The following CEP41 variants were observed in gnomAD, a reference collection of about 807,000 sequenced individuals.
The protein encoded by CEP41 is centrosomal protein of 41 kDa.
In CEP41, 32 loss-of-function variants were observed where a neutral mutation model predicts 44.3. The observed-to-expected ratio is 0.72, with a 90% CI of 0.54 to 0.97. The LOEUF (loss-of-function observed/expected upper bound fraction) is 0.97. Among genes scored for constraint, CEP41 ranks in the 50% least tolerant of loss-of-function variants. The pLI is 0.00. For missense variants in CEP41, 432 were observed against 455.2 expected (o/e 0.95, Z 0.46); for synonymous variants, 151 against 168.5 (o/e 0.90, Z 0.80).
chr7:130,399,247 A>C, intron 10 of CEP41: 2 of 617,488 alleles, frequency 3.2e-6, no homozygotes, highest in Non-Finnish European at 5.7e-6. Context: ...AATGAAGGGA[A>C]ACCCAGATAG....
chr7:130,401,750 A>G (rs1360964704), intron 8 of CEP41, 131 bp downstream of exon 8: 4 of 660,840 alleles, frequency 6.1e-6, no homozygotes, highest in Admixed American at 2.2e-5. Context: ...AGGAATCCAA[A>G]TTCTAAAATA....
At chr7:130,400,279 A>C in intron 9 of CEP41, 25 bp from the exon 10 acceptor site, 1 of 1,564,772 alleles carries the variant, frequency 6.4e-7, no homozygotes, top group Non-Finnish European at 8.8e-7. Flanking sequence ...TCATCAGAAA[A>C]AGCTGCATTA....
chr7:130,394,521 G>A lies in CEP41; in HGVS notation c.*4370C>T. On this transcript the variant is annotated 3_prime_UTR_variant, in exon 11 of 11. Transcript: ENST00000223208. ...TGACCTTTGCGTGCTGAATTTGGGA[G>A]GATACTTTAAGCCTGGCAGAGACAG... The A allele has an allele frequency of 4.4e-6, 2 of 454,042 alleles. No homozygotes were observed. Among genetic ancestry groups the A allele is most frequent in the South Asian group, 1.6e-5 (1 of 64,472 alleles). 28.1% of individuals were successfully genotyped at this position (454,042 alleles called of 1,614,324 possible).
At chr7:130,417,283 C>T in intron 2 of CEP41, 4 of 1,156,394 alleles carry the variant, frequency 3.5e-6, no homozygotes, top group South Asian at 2.1e-5. Context: ...TTTCCTCCTC[C>T]TTTTATCTCC....
At chr7:130,431,806 C>T (rs1429222222) in intron 1 of CEP41, among the ~76,000 whole-genome samples, 2 of 152,102 alleles carry the variant, frequency 1.3e-5, no homozygotes, top group Admixed American at 6.6e-5. Context: ...GGAGAGGCAG[C>T]AGGGGCAGAT....
At chr7:130,412,033 T>C in intron 4 of CEP41, 146 bp downstream of exon 4, 2 of 726,250 alleles carry the variant, frequency 2.8e-6, no homozygotes, top group Non-Finnish European at 5.1e-6. Flanking sequence ...ACACACCACA[T>C]ACCAATTAAT....
At chr7:130,426,634 A>C (rs782525100) in intron 2 of CEP41, 2 of 456,150 alleles carry the variant, frequency 4.4e-6, no homozygotes, top group South Asian at 3.1e-5. Flanking sequence ...CTTACCTCAC[A>C]GAATCACTTA....
chr7:130,396,537 G>C lies in CEP41; in HGVS notation c.*2354C>G, dbSNP rs1554414606. ...CATATTAATAGCAAACGACAAATTA[G>C]TAACTATGTACTTTAATCTTCAACA... On this transcript the variant is annotated 3_prime_UTR_variant, in exon 11 of 11. Transcript: ENST00000223208. 4 of 454,560 alleles carry C rather than the reference G, an allele frequency of 8.8e-6. No individual in the cohort carries two copies. The highest frequency in any genetic ancestry group is 6.2e-5 in the South Asian group (4 of 64,482). 28.2% of individuals were successfully genotyped at this position (454,560 alleles called of 1,614,324 possible).
intron 5 of CEP41, among the ~76,000 whole-genome samples, chr7:130,408,787 T>C (rs2117593113): frequency 6.6e-6 from 1 of 152,212 alleles, no homozygotes; most frequent in East Asian, 1.9e-4. Flanking sequence ...CAGCATTATT[T>C]TATAAAGGTG....
intron 2 of CEP41, among the ~76,000 whole-genome samples, chr7:130,424,085 A>T (rs782487445): frequency 6.6e-6 from 1 of 152,220 alleles, no homozygotes; most frequent in Non-Finnish European, 1.5e-5. Flanking sequence ...GAATTAAAAT[A>T]GCTAAAATAA....
upstream of CEP41, chr7:130,441,024 G>A (rs1798143462): frequency 1.3e-6 from 2 of 1,576,246 alleles, no homozygotes; most frequent in South Asian, 1.1e-5. Context: ...TCTAACCCTA[G>A]CTTCCTACCC....
Position 130,394,864 on chromosome 7 carries a change from T to C in CEP41, c.*4027A>G, listed in dbSNP as rs1796614713. 2.2e-6 allele frequency: 1 copy of C among 454,144 alleles called. No homozygotes were observed. Among genetic ancestry groups the C allele is most frequent in the South Asian group, 1.6e-5 (1 of 64,474 alleles). The allele number at this position is 454,144 out of a possible 1,614,324, so 28.1% of individuals were successfully genotyped here. A position where few individuals can be genotyped will look rare whatever the true frequency, so the allele number is the denominator to read the frequency against. ...CAACAGGAAGACATATTGATATCCT[T>C]TAAAAGATGCAGCCCATCCGTCCAC... On this transcript the variant is annotated 3_prime_UTR_variant, in exon 11 of 11. Coordinates refer to ENST00000223208, the MANE Select transcript of CEP41 (RefSeq NM_018718.3).
Position 130,410,896 on chromosome 7 carries a change from A to C in CEP41, c.277+226T>G, listed in dbSNP as rs141804954. 418 of 602,302 alleles carry C rather than the reference A, an allele frequency of 6.9e-4. 2 individuals are homozygous for C. In the African/African-American group the frequency reaches 7.0e-3, roughly 10 times the overall value. The allele number at this position is 602,302 out of a possible 1,614,324, so 37.3% of individuals were successfully genotyped here. A position where few individuals can be genotyped will look rare whatever the true frequency, so the allele number is the denominator to read the frequency against. On this transcript the variant is annotated intron_variant, in intron 5 of 10. Coordinates refer to ENST00000223208, the MANE Select transcript of CEP41 (RefSeq NM_018718.3). ...AGTAATTAGTATATTAAACACATCT[A>C]AAACATTTAAAACTGTAAGTGTTAG...
rs782460743 is a variant in CEP41 at position 130,400,226 on chromosome 7, C to T, written c.786G>A (p.Pro262=). Residue 262 remains proline (P), a synonymous_variant, in exon 10 of 11, where the codon CCG becomes CCA. Coordinates refer to ENST00000223208, the MANE Select transcript of CEP41 (RefSeq NM_018718.3). ...GGLKVLAQKF[P]EGLITGSLPA... ...GCAGGGAACCAGTAATCAGTCCTTC[C>T]GGGAATTTCTGAGCTAAGACTTTTA... 5.5e-5 allele frequency: 89 copies of T among 1,613,654 alleles called. No individual in the cohort carries two copies. The highest frequency in any genetic ancestry group is 6.5e-5 in the Non-Finnish European group (77 of 1,179,816).
At chr7:130,430,501 G>A (rs1797792454) in intron 1 of CEP41, among the ~76,000 whole-genome samples, 1 of 152,182 alleles carries the variant, frequency 6.6e-6, no homozygotes, top group Non-Finnish European at 1.5e-5. Context: ...CTATGAGAAA[G>A]TAACTATAAT....
At chr7:130,421,992 A>G in intron 2 of CEP41, 1 of 1,536,050 alleles carries the variant, frequency 6.5e-7, no homozygotes, top group Non-Finnish European at 8.7e-7. Flanking sequence ...GGAGCTGGTA[A>G]GATACACACA....
intron 1 of CEP41, among the ~76,000 whole-genome samples, chr7:130,437,902 A>T (rs942586365): frequency 6.6e-6 from 1 of 152,114 alleles, no homozygotes; most frequent in Non-Finnish European, 1.5e-5. Context: ...CATGCCTAAC[A>T]TTTTAGACAT....
Position 130,404,612 on chromosome 7 carries a change from A to G in CEP41, c.374T>C (p.Phe125Ser). The change falls in exon 6 of 11, where the codon TTC becomes TCC. Residue 125 changes from phenylalanine to serine, a missense_variant. By Grantham distance (155) the Phe-to-Ser change is radical (BLOSUM62 -2). Coordinates refer to ENST00000223208, the MANE Select transcript of CEP41 (RefSeq NM_018718.3). ...PGEQSPSPEQFINNAGAGDSS... is the reference protein window; with the variant it reads ...PGEQSPSPEQSINNAGAGDSS... ...GTCCCCTGCTCCTGCGTTGTTTATG[A>G]ACTGCTCAGGGCTCGGCGACTGCTC... 1 of 1,613,940 alleles carries G rather than the reference A, an allele frequency of 6.2e-7. No homozygotes were observed. Among genetic ancestry groups the G allele is most frequent in the South Asian group, 1.1e-5 (1 of 91,082 alleles).
At chr7:130,410,029 C>CTTTTTTTTTTTTTCTT (rs1562983289) in intron 5 of CEP41, among the ~76,000 whole-genome samples, 1 of 139,890 alleles carries the variant, frequency 7.1e-6, no homozygotes, top group African/African-American at 2.6e-5. Flanking sequence ...CCTCGGTCTT[C>CTTTTTTTTTTTTTCTT]TTTTTTTTTT....
Sources: gnomAD v4.1 joint callset for allele counts (sites outside exome capture counted in the v4.1 genomes callset) on GRCh38, gnomAD v4.1.1 for gene constraint, MANE v1.5 for transcripts, NCBI Gene and HGNC (gene_info 2026-07-23, HGNC 2026-07-21) for gene names.